The following FTO variants were observed in gnomAD, a reference collection of about 807,000 sequenced individuals.
FTO encodes alpha-ketoglutarate-dependent dioxygenase FTO.
Under a neutral mutation model 63.9 loss-of-function variants are expected in FTO, and 47 were observed. That is an observed-to-expected ratio of 0.74 (90% CI 0.58 to 0.94). The LOEUF (loss-of-function observed/expected upper bound fraction) is 0.94, where lower values mean the gene tolerates loss of function less well. FTO is among the 40% of genes least tolerant of loss of function. FTO has a pLI of 0.00. For synonymous variants in FTO, 207 were observed against 224.4 expected (o/e 0.92, Z 0.69); for missense variants, 562 against 618.1 (o/e 0.91, Z 0.96).
chr16:54,100,022 T>C (rs2086602530), intron 8 of FTO, among the ~76,000 whole-genome samples: 1 of 152,208 alleles, frequency 6.6e-6, no homozygotes, highest in South Asian at 2.1e-4. Flanking sequence ...TGCAGTGTTT[T>C]CACCAACTGG....
At chr16:53,804,632 C>CTTTTTTTTTT in intron 1 of FTO, among the ~76,000 whole-genome samples, 1 of 130,168 alleles carries the variant, frequency 7.7e-6, no homozygotes, top group Non-Finnish European at 1.6e-5. Context: ...TCTTATTGAT[C>CTTTTTTTTTT]TTTTTTTTTT....
At chr16:53,940,709 A>T (rs1469846006) in intron 8 of FTO, among the ~76,000 whole-genome samples, 2 of 152,224 alleles carry the variant, frequency 1.3e-5, no homozygotes, top group Non-Finnish European at 2.9e-5. Flanking sequence ...ACTAATGTTT[A>T]TGGAAGTTTC....
intron 8 of FTO, among the ~76,000 whole-genome samples, chr16:54,092,319 T>G (rs192117962): frequency 2.0e-5 from 3 of 152,166 alleles, no homozygotes; most frequent in Non-Finnish European, 2.9e-5. Context: ...AAGGGAAAAT[T>G]TGCAGGCAGG....
intron 8 of FTO, among the ~76,000 whole-genome samples, chr16:53,952,795 T>C (rs1380039888): frequency 6.6e-6 from 1 of 152,204 alleles, no homozygotes; most frequent in African/African-American, 2.4e-5. Flanking sequence ...CTAATGCACA[T>C]GTTTGAAGTT....
chr16:53,704,536 A>G (rs1971877207), intron 1 of FTO, among the ~76,000 whole-genome samples: 1 of 152,252 alleles, frequency 6.6e-6, no homozygotes, highest in African/African-American at 2.4e-5. Flanking sequence ...CCGGATTCTC[A>G]GATGACTGTG....
chr16:53,733,416 A>G (rs2076317254), intron 1 of FTO, among the ~76,000 whole-genome samples: 1 of 152,202 alleles, frequency 6.6e-6, no homozygotes, highest in South Asian at 2.1e-4. Flanking sequence ...AAAAAGAAAA[A>G]ATAAAAAAGA....
chr16:54,062,551 T>C (rs1256390079), intron 8 of FTO, among the ~76,000 whole-genome samples: 1 of 152,130 alleles, frequency 6.6e-6, no homozygotes, highest in Non-Finnish European at 1.5e-5. Flanking sequence ...TTTTTTTCTT[T>C]ATAATTTGTA....
chr16:53,780,779 G>A (rs1374231871), intron 1 of FTO, among the ~76,000 whole-genome samples: 2 of 152,114 alleles, frequency 1.3e-5, no homozygotes, highest in Non-Finnish European at 2.9e-5. Context: ...CTGGCTGTGT[G>A]ATTTTGGAGA....
intron 8 of FTO, among the ~76,000 whole-genome samples, chr16:53,960,678 C>T (rs2083053967): frequency 6.6e-6 from 1 of 150,828 alleles, no homozygotes; most frequent in Non-Finnish European, 1.5e-5. Context: ...GACAGGAACC[C>T]TGACCACAAG....
intron 1 of FTO, among the ~76,000 whole-genome samples, chr16:53,796,492 A>G (rs2078075346): frequency 6.6e-6 from 1 of 152,210 alleles, no homozygotes; most frequent in African/African-American, 2.4e-5. Flanking sequence ...ATGAGAATGT[A>G]AGAAGGGAGA....
chr16:53,983,744 C>G (rs1267782130), intron 8 of FTO, among the ~76,000 whole-genome samples: 1 of 152,040 alleles, frequency 6.6e-6, no homozygotes, highest in Non-Finnish European at 1.5e-5. Context: ...AAGCACACCC[C>G]CGGTCTAAGA....
intron 1 of FTO, among the ~76,000 whole-genome samples, chr16:53,747,070 G>C (rs1704264737): frequency 6.6e-6 from 1 of 152,196 alleles, no homozygotes; most frequent in Non-Finnish European, 1.5e-5. Context: ...TTTACGGGCT[G>C]TGTATATATG....
intron 6 of FTO, among the ~76,000 whole-genome samples, chr16:53,884,246 T>C (rs1404732429): frequency 1.3e-5 from 2 of 152,228 alleles, no homozygotes; most frequent in African/African-American, 2.4e-5. Flanking sequence ...AGCAGAATCT[T>C]CTTCCATGTT....
chr16:53,966,520 A>T (rs1221913766), intron 8 of FTO, among the ~76,000 whole-genome samples: 1 of 152,322 alleles, frequency 6.6e-6, no homozygotes, highest in African/African-American at 2.4e-5. Context: ...CCACAGTTTG[A>T]TTTCTCAGTC....
At chr16:53,787,110 C>CAAAAAAAAAAAAAAAAAAAA (rs35391915) in intron 1 of FTO, among the ~76,000 whole-genome samples, 1 of 56,172 alleles carries the variant, frequency 1.8e-5, no homozygotes. Context: ...GACTCCTTCT[C>CAAAAAAAAAAAAAAAAAAAA]AAAAAAAAAA....
At chr16:54,067,613 T>A (rs148639658) in intron 8 of FTO, among the ~76,000 whole-genome samples, 1 of 152,212 alleles carries the variant, frequency 6.6e-6, no homozygotes, top group Non-Finnish European at 1.5e-5. Context: ...CAGATGCCAG[T>A]AGACATAAAA....
intron 1 of FTO, among the ~76,000 whole-genome samples, chr16:53,740,994 C>G (rs8051422): frequency 0.3 from 46,014 of 151,768 alleles, 8,468 homozygotes; most frequent in African/African-American, 0.52. Context: ...GTTTTTTAAT[C>G]GACCTTGAGC....
At chr16:53,965,309 T>C (rs1028434003) in intron 8 of FTO, among the ~76,000 whole-genome samples, 2 of 152,100 alleles carry the variant, frequency 1.3e-5, no homozygotes, top group African/African-American at 4.8e-5. Flanking sequence ...CTCCTGACCT[T>C]GTGATCCGCC....
chr16:53,916,351 T>C (rs1355697253), intron 7 of FTO, among the ~76,000 whole-genome samples: 1 of 152,166 alleles, frequency 6.6e-6, no homozygotes, highest in Non-Finnish European at 1.5e-5. Context: ...TGTGTTCTCA[T>C]TGAGCCATCC....
Sources: gnomAD v4.1 joint callset for allele counts (sites outside exome capture counted in the v4.1 genomes callset) on GRCh38, gnomAD v4.1.1 for gene constraint, MANE v1.5 for transcripts, NCBI Gene and HGNC (gene_info 2026-07-23, HGNC 2026-07-21) for gene names.